Variants in AKAP13 observed in about 807,000 individuals in gnomAD.
AKAP13 encodes A-kinase anchoring protein 13, also known as A-kinase anchor protein 13.
A neutral mutation model predicts 264.5 loss-of-function variants in AKAP13; 80 were observed. The ratio of observed to expected loss-of-function variants is 0.30; its 90% confidence interval spans 0.25 to 0.36. The LOEUF (loss-of-function observed/expected upper bound fraction) is 0.36. Among genes scored for constraint, AKAP13 ranks in the 10% least tolerant of loss-of-function variants. The probability of loss-of-function intolerance (pLI) is 1.00; values close to 1 mark genes in which losing one functional copy is unlikely to be tolerated. For synonymous variants in AKAP13, 1,380 were observed against 1,250.2 expected, an observed-to-expected ratio of 1.10 and a Z score of -2.19; for missense variants, 3,712 against 3,435.2, an observed-to-expected ratio of 1.08 and a Z score of -2.01.
At chr15:85,403,765 C>G (rs544403262) in intron 1 of AKAP13, among the ~76,000 whole-genome samples, 3 of 150,644 alleles carry the variant, frequency 2.0e-5, no homozygotes, top group Admixed American at 1.3e-4. Flanking sequence ...CGCTTGAACC[C>G]GGGAGGTGGT....
intron 1 of AKAP13, among the ~76,000 whole-genome samples, chr15:85,392,936 G>A (rs1044665127): frequency 1.3e-5 from 2 of 152,176 alleles, no homozygotes; most frequent in Non-Finnish European, 2.9e-5. Flanking sequence ...TTTCCCAGGT[G>A]ATAGCTGTCC....
chr15:85,669,959 C>T (rs903541179), intron 14 of AKAP13, 129 bp downstream of exon 14: 5 of 519,976 alleles, frequency 9.6e-6, no homozygotes, highest in Non-Finnish European at 1.7e-5. Flanking sequence ...GAGTGAATGG[C>T]TCAGCACTTA....
intron 2 of AKAP13, among the ~76,000 whole-genome samples, chr15:85,510,609 G>C (rs569786221): frequency 2.0e-5 from 3 of 152,274 alleles, no homozygotes; most frequent in African/African-American, 7.2e-5. Flanking sequence ...TAAGTCATTT[G>C]AAAATCCTTT....
In AKAP13 at chr15:85,426,955, G is replaced by T. The variant is rs28637583; in HGVS notation, c.-12+46157G>T. 1.4e-3 allele frequency among the ~76,000 whole-genome samples: 174 copies of T among 125,022 alleles called. 3 individuals are homozygous for T. The highest frequency in any genetic ancestry group is 4.3e-3 in the Middle Eastern group (1 of 230). 82.0% of individuals were successfully genotyped at this position (125,022 alleles called of 152,430 possible). A position where few individuals can be genotyped will look rare whatever the true frequency, so the allele number is the denominator to read the frequency against. Reference sequence around the variant, plus strand: ...AACCTCCTTAGTATTGTTTTGTTTTGTTTTTTTTTTTTTTTTTGGGGACGG... The same window carrying T: ...AACCTCCTTAGTATTGTTTTGTTTTTTTTTTTTTTTTTTTTTTGGGGACGG... On this transcript the variant is annotated intron_variant, in intron 1 of 36. Transcript: ENST00000394518.
At chr15:85,740,194 G>C (rs745855282) in intron 33 of AKAP13, 28 bp from the exon 34 acceptor site, 2 of 1,613,684 alleles carry the variant, frequency 1.2e-6, no homozygotes, top group Non-Finnish European at 8.5e-7. Flanking sequence ...GCCCTGAAAC[G>C]AATGTTTCCA....
rs56782497 is a variant in AKAP13 at position 85,741,697 on chromosome 15, TAAAAAAAAAA to T, written c.8058+212_8058+221del. Among the ~76,000 whole-genome samples, 66 of 106,330 alleles carry T rather than the reference TAAAAAAAAAA, an allele frequency of 6.2e-4. No homozygotes were observed. The Middle Eastern group carries it at 0.014, about 22-fold the overall frequency. The allele number at this position is 106,330 out of a possible 152,430, so 69.8% of individuals were successfully genotyped here. A position where few individuals can be genotyped will look rare whatever the true frequency, so the allele number is the denominator to read the frequency against. On this transcript the variant is annotated intron_variant, in intron 35 of 36. Coordinates refer to ENST00000394518, the MANE Select transcript of AKAP13 (RefSeq NM_007200.5). The stretch of plus-strand genomic sequence containing the variant: ...CAACAGAGGGAGACTCTGTCTCTCC[TAAAAAAAAAA>T]AAAAAAAAACAAACAAACAAACAAA...
intron 36 of AKAP13, 145 bp from the exon 37 acceptor site, chr15:85,744,483 C>T: frequency 1.2e-6 from 1 of 839,980 alleles, no homozygotes; most frequent in Admixed American, 2.0e-5. Context: ...CAAATTTGTT[C>T]AGAAACCCCG....
chr15:85,656,550 C>T (rs2083103831), intron 11 of AKAP13, among the ~76,000 whole-genome samples: 1 of 152,156 alleles, frequency 6.6e-6, no homozygotes, highest in Non-Finnish European at 1.5e-5. Context: ...GGGTTCACTC[C>T]ATTCTCCTGC....
At chr15:85,731,981 G>C (rs1369798804) in intron 30 of AKAP13, among the ~76,000 whole-genome samples, 1 of 151,820 alleles carries the variant, frequency 6.6e-6, no homozygotes, top group South Asian at 2.1e-4. Context: ...TCCTCAGGAG[G>C]CTGAGGCAGG....
At chr15:85,399,508 A>AT (rs2071291625) in intron 1 of AKAP13, among the ~76,000 whole-genome samples, 3 of 60,010 alleles carry the variant, frequency 5.0e-5, no homozygotes, top group East Asian at 2.5e-4. Flanking sequence ...GTCTCAAAAA[A>AT]AAAAAAAAAA....
In AKAP13 at chr15:85,708,107, C is replaced by G; in HGVS notation, c.5532+21C>G. On this transcript the variant is annotated intron_variant, in intron 18 of 36. Coordinates refer to ENST00000394518, the MANE Select transcript of AKAP13 (RefSeq NM_007200.5). This position sits in a 1 kb window ranked among gnomAD's most constrained non-coding sequence, Gnocchi z 4.3. ...TGAAGGTAAGACTTTCTGGCTAAAA[C>G]AAGGCTTAAAATAAAAGGGTTTAAA... 6.2e-7 allele frequency: 1 copy of G among 1,612,298 alleles called. No individual in the cohort carries two copies. Among genetic ancestry groups the G allele is most frequent in the Non-Finnish European group, 8.5e-7 (1 of 1,178,940 alleles).
intron 16 of AKAP13, chr15:85,690,172 T>G (rs2151630844): frequency 6.6e-6 from 1 of 152,342 alleles, no homozygotes; most frequent in Non-Finnish European, 1.5e-5. Flanking sequence ...GAGTTGGTTG[T>G]TTTGTTTTGT....
chr15:85,459,452 G>A (rs1226060874), intron 1 of AKAP13, among the ~76,000 whole-genome samples: 1 of 149,922 alleles, frequency 6.7e-6, no homozygotes, highest in Non-Finnish European at 1.5e-5. Context: ...GCCCGCCTTG[G>A]CCTCCCAAAG....
chr15:85,475,516 A>G (rs1361259679), intron 1 of AKAP13, among the ~76,000 whole-genome samples: 2 of 152,202 alleles, frequency 1.3e-5, no homozygotes, highest in African/African-American at 4.8e-5. Flanking sequence ...TCCTCTTTCC[A>G]GAGGTACCAA....
At chr15:85,490,382 G>A (rs372038359) in intron 2 of AKAP13, among the ~76,000 whole-genome samples, 3 of 152,184 alleles carry the variant, frequency 2.0e-5, no homozygotes, top group African/African-American at 7.2e-5. Flanking sequence ...AGTCACATGG[G>A]TATCCTGTTC....
At chr15:85,454,848 T>C (rs574806422) in intron 1 of AKAP13, among the ~76,000 whole-genome samples, 19 of 152,358 alleles carry the variant, frequency 1.2e-4, no homozygotes, top group African/African-American at 3.8e-4. Context: ...AGTTACTCAC[T>C]GAAGATCATT....
chr15:85,720,260 CTG>C (rs71141479), intron 23 of AKAP13, among the ~76,000 whole-genome samples: 32,198 of 150,492 alleles, frequency 0.21, 3,806 homozygotes, highest in South Asian at 0.35. Context: ...AAAACAAACT[CTG>C]TGTGTGTGTG....
chr15:85,427,345 A>G (rs2072840220), intron 1 of AKAP13, among the ~76,000 whole-genome samples: 1 of 151,968 alleles, frequency 6.6e-6, no homozygotes, highest in Non-Finnish European at 1.5e-5. Flanking sequence ...GGGAATAAAC[A>G]ACACTAGTTA....
intron 1 of AKAP13, among the ~76,000 whole-genome samples, chr15:85,400,872 ATAT>A (rs778020271): frequency 0.14 from 14,299 of 101,900 alleles, 925 homozygotes; most frequent in Non-Finnish European, 0.2. Flanking sequence ...ATATATATAT[ATAT>A]TTTTTTTTTT....
Sources: gnomAD v4.1 joint callset for allele counts (sites outside exome capture counted in the v4.1 genomes callset) on GRCh38, gnomAD v4.1.1 for gene constraint, Gnocchi (gnomAD v3.1) non-coding constraint, MANE v1.5 for transcripts, NCBI Gene and HGNC (gene_info 2026-07-23, HGNC 2026-07-21) for gene names.